PPP3R1: variants seen among roughly 807,000 people sequenced by gnomAD.
PPP3R1 encodes protein phosphatase 3 regulatory subunit B, alpha, also known as calcineurin subunit B type 1.
Under a neutral mutation model 22.6 loss-of-function variants are expected in PPP3R1, and 5 were observed. The ratio of observed to expected loss-of-function variants is 0.22; its 90% confidence interval spans 0.12 to 0.46. PPP3R1 has a LOEUF of 0.46. Ranked by LOEUF, PPP3R1 falls within the 20% of genes least tolerant of loss-of-function variation. PPP3R1 has a pLI of 0.99. For missense variants in PPP3R1, 61 were observed against 203.2 expected, an observed-to-expected ratio of 0.30 and a Z score of 4.25; for synonymous variants, 56 against 65.2, an observed-to-expected ratio of 0.86 and a Z score of 0.68.
intron 5 of PPP3R1, among the ~76,000 whole-genome samples, chr2:68,181,953 A>C (rs1055077201): frequency 6.6e-6 from 1 of 152,072 alleles, no homozygotes; most frequent in Non-Finnish European, 1.5e-5. Context: ...ATTACATTTA[A>C]TCTACATAAA....
intron 3 of PPP3R1, among the ~76,000 whole-genome samples, chr2:68,187,544 T>C (rs965247670): frequency 1.3e-5 from 2 of 152,174 alleles, no homozygotes; most frequent in African/African-American, 4.8e-5. Context: ...TGAACAAACA[T>C]TTGTTAAGTG....
intron 1 of PPP3R1, among the ~76,000 whole-genome samples, chr2:68,229,973 T>TACACACACACACACAC (rs201152385): frequency 0.022 from 3,195 of 143,156 alleles, 40 homozygotes; most frequent in Admixed American, 0.03. Flanking sequence ...TATACACACA[T>TACACACACACACACAC]ACACACACAC....
rs373054101 is a variant in PPP3R1, at chr2:68,201,472, C to T, written c.44-12782G>A. Among the ~76,000 whole-genome samples the T allele has an allele frequency of 3.9e-5, 6 of 151,956 alleles. No homozygotes were observed. The East Asian group carries it at 7.7e-4, about 20-fold the overall frequency. On this transcript the variant is annotated intron_variant, in intron 2 of 5. Transcript: ENST00000234310. ...AAATTCCACCACATAATTCATATAA[C>T]GGCTTTTACTTTCTTCTTGAAGACA...
chr2:68,205,023 C>G (rs2103751783), intron 2 of PPP3R1, among the ~76,000 whole-genome samples: 1 of 152,198 alleles, frequency 6.6e-6, no homozygotes, highest in East Asian at 1.9e-4. Context: ...TTCTTGGTTA[C>G]TTCCTTCTCC....
Position 68,245,551 on chromosome 2 carries a change from T to C in PPP3R1, c.3+6574A>G, listed in dbSNP as rs535803995. Reference sequence around the variant, plus strand: ...TTATTTGTAATGTGCTATCTTTATATCTAATCACTAGGTTGGGTCATCCTT... The same window carrying C: ...TTATTTGTAATGTGCTATCTTTATACCTAATCACTAGGTTGGGTCATCCTT... On this transcript the variant is annotated intron_variant, in intron 1 of 5. Transcript: ENST00000234310. Among the ~76,000 whole-genome samples the C allele has an allele frequency of 3.4e-4, 52 of 152,342 alleles. 1 individual carries two copies. The highest frequency in any genetic ancestry group is 1.2e-3 in the Admixed American group (18 of 15,300).
intron 2 of PPP3R1, among the ~76,000 whole-genome samples, chr2:68,198,671 C>G (rs1674889774): frequency 6.6e-6 from 1 of 151,970 alleles, no homozygotes; most frequent in Non-Finnish European, 1.5e-5. Flanking sequence ...AAGACCCGTG[C>G]ATTTCCACAT....
At chr2:68,229,254 C>T (rs1393707519) in intron 1 of PPP3R1, among the ~76,000 whole-genome samples, 1 of 152,004 alleles carries the variant, frequency 6.6e-6, no homozygotes, top group African/African-American at 2.4e-5. Context: ...TCATGCAATC[C>T]TCCCACCTTA....
intron 1 of PPP3R1, among the ~76,000 whole-genome samples, chr2:68,242,054 TTTAA>T (rs1332427528): frequency 2.0e-5 from 3 of 152,198 alleles, no homozygotes; most frequent in African/African-American, 2.4e-5. Context: ...TTTACTTAAC[TTTAA>T]TTAACTTTAA....
At chr2:68,198,638 T>C (rs1482295251) in intron 2 of PPP3R1, among the ~76,000 whole-genome samples, 7 of 152,072 alleles carry the variant, frequency 4.6e-5, no homozygotes, top group Admixed American at 2.0e-4. Context: ...TACTTTGTTC[T>C]GTTTTAAAAT....
chr2:68,191,172 A>G (rs1474272480), intron 2 of PPP3R1, among the ~76,000 whole-genome samples: 1 of 152,216 alleles, frequency 6.6e-6, no homozygotes, highest in Non-Finnish European at 1.5e-5. Flanking sequence ...ATGGGGTTAC[A>G]CTGAGAAACA....
rs1674380912 is a variant in PPP3R1 at position 68,180,602 on chromosome 2, CATAT to C, written c.*357_*360del. ...ATATTAAATTAAAGCCAACCTACTA[CATAT>C]ATAGAAAGCTACATATATCTATATA... On this transcript the variant is annotated 3_prime_UTR_variant, in exon 6 of 6. Coordinates refer to ENST00000234310, the MANE Select transcript of PPP3R1 (RefSeq NM_000945.4). 6.5e-6 allele frequency: 1 copy of C among 154,310 alleles called. No individual in the cohort carries two copies. The highest frequency in any genetic ancestry group is 1.4e-5 in the Non-Finnish European group (1 of 69,368). 9.6% of individuals were successfully genotyped at this position (154,310 alleles called of 1,614,324 possible). A position where few individuals can be genotyped will look rare whatever the true frequency, so the allele number is the denominator to read the frequency against.
chr2:68,203,928 A>ATTC (rs1675049070), intron 2 of PPP3R1, among the ~76,000 whole-genome samples: 1 of 152,212 alleles, frequency 6.6e-6, no homozygotes, highest in Non-Finnish European at 1.5e-5. Flanking sequence ...TTCTAACAAA[A>ATTC]GAGAGATGAG....
intron 1 of PPP3R1, among the ~76,000 whole-genome samples, chr2:68,224,005 G>C (rs1669737095): frequency 6.6e-6 from 1 of 152,112 alleles, no homozygotes; most frequent in Non-Finnish European, 1.5e-5. Flanking sequence ...TGGAAACATG[G>C]AAAATGAAAT....
At chr2:68,216,112 T>G (rs1001198081) in intron 2 of PPP3R1, among the ~76,000 whole-genome samples, 15 of 152,108 alleles carry the variant, frequency 9.9e-5, no homozygotes, top group Admixed American at 3.9e-4. Flanking sequence ...GAACATGCCC[T>G]TTATACAACG....
chr2:68,213,393 G>T (rs935016451), intron 2 of PPP3R1, among the ~76,000 whole-genome samples: 9 of 152,124 alleles, frequency 5.9e-5, no homozygotes, highest in Non-Finnish European at 1.3e-4. Context: ...GAATAGGGAG[G>T]TCTGAGGAAA....
Position 68,248,316 on chromosome 2 carries a change from C to G in PPP3R1, c.3+3809G>C, listed in dbSNP as rs939004358. 2.6e-5 allele frequency among the ~76,000 whole-genome samples: 4 copies of G among 152,218 alleles called. No individual in the cohort carries two copies. In the South Asian group the frequency reaches 8.3e-4, roughly 32 times the overall value. On this transcript the variant is annotated intron_variant, in intron 1 of 5. Coordinates refer to ENST00000234310, the MANE Select transcript of PPP3R1 (RefSeq NM_000945.4). ...GCCTCTTCCCTGCCATGTGCTCTTA[C>G]AGCATCCCATGTTTAGTCTGTTAAT...
chr2:68,215,143 G>A (rs1037122230), intron 2 of PPP3R1, among the ~76,000 whole-genome samples: 8 of 152,120 alleles, frequency 5.3e-5, no homozygotes, highest in Admixed American at 4.6e-4. Flanking sequence ...AGTGGAGGGT[G>A]GGAGGAGGGA....
At chr2:68,204,482 AT>A (rs1675066879) in intron 2 of PPP3R1, among the ~76,000 whole-genome samples, 1 of 152,166 alleles carries the variant, frequency 6.6e-6, no homozygotes, top group African/African-American at 2.4e-5. Context: ...ATGATTAAAA[AT>A]ATTGACTATG....
intron 1 of PPP3R1, among the ~76,000 whole-genome samples, chr2:68,242,960 C>T (rs2103811002): frequency 6.6e-6 from 1 of 152,260 alleles, no homozygotes; most frequent in South Asian, 2.1e-4. Flanking sequence ...AAAATGAATA[C>T]TCTGTGTTCT....
Sources: allele counts gnomAD v4.1 joint callset (sites outside exome capture counted in the v4.1 genomes callset), GRCh38; gene constraint gnomAD v4.1.1; transcripts MANE v1.5; gene names NCBI Gene and HGNC (gene_info 2026-07-23, HGNC 2026-07-21).